The following JAK1 variants were observed in gnomAD, a reference collection of about 807,000 sequenced individuals.
JAK1 encodes the protein Janus kinase 1.
A neutral mutation model predicts 136.6 loss-of-function variants in JAK1; 16 were observed. The observed-to-expected ratio is 0.12, with a 90% confidence interval of 0.08 to 0.18. The LOEUF (loss-of-function observed/expected upper bound fraction) is 0.18, where lower values mean the gene tolerates loss of function less well. Among genes scored for constraint, JAK1 ranks in the 10% least tolerant of loss-of-function variants. The probability of loss-of-function intolerance (pLI) is 1.00; values close to 1 mark genes in which losing one functional copy is unlikely to be tolerated. For missense variants in JAK1, 859 were observed against 1,450.1 expected (o/e 0.59, Z 6.62); for synonymous variants, 492 against 519.5 (o/e 0.95, Z 0.72).
chr1:64,886,456 G>A, intron 1 of JAK1, 115 bp from the exon 2 acceptor site: 1 of 528,408 alleles, frequency 1.9e-6, no homozygotes, highest in Non-Finnish European at 3.1e-6. Context: ...AAAAGCATTT[G>A]AGAGGAAGAA....
chr1:64,978,687 C>A (rs567518907), intron 2 of JAK1, among the ~76,000 whole-genome samples: 36 of 152,236 alleles, frequency 2.4e-4, no homozygotes, highest in African/African-American at 8.2e-4. Context: ...GGCTGACTTA[C>A]TAGCCGTAAT....
chr1:65,029,699 A>C (rs190443258), intron 2 of JAK1, among the ~76,000 whole-genome samples: 3 of 152,290 alleles, frequency 2.0e-5, no homozygotes, highest in Admixed American at 1.3e-4. Context: ...TTAACAAACT[A>C]ATGAAGGAAC....
intron 2 of JAK1, among the ~76,000 whole-genome samples, chr1:64,883,760 G>A (rs1439466557): frequency 6.6e-6 from 1 of 151,850 alleles, no homozygotes; most frequent in Non-Finnish European, 1.5e-5. Context: ...AATAATTTTA[G>A]ACATGGCCTG....
At position 64,844,036 on chromosome 1, in the gene JAK1, C is replaced by T. The variant is rs1259222986; in HGVS notation, c.2403+28G>A. ...ACGAGCACCTGAAAGCCCTCACTTG[C>T]CTCACGCCCCGGGAAACACCTGCTC... On this transcript the variant is annotated intron_variant, in intron 17 of 24. Transcript: ENST00000342505. This position sits in a 1 kb window ranked among gnomAD's most constrained non-coding sequence, Gnocchi z 5.7. 5 of 1,612,266 alleles carry T rather than the reference C, an allele frequency of 3.1e-6. No homozygotes were observed. The South Asian group carries it at 4.4e-5, about 14-fold the overall frequency.
intron 1 of JAK1, among the ~76,000 whole-genome samples, chr1:64,893,286 C>A (rs1056111932): frequency 1.3e-5 from 2 of 152,108 alleles, no homozygotes; most frequent in Non-Finnish European, 2.9e-5. Context: ...AGAGCTTGTG[C>A]GAGAGCTTCT....
At chr1:64,882,760 G>A (rs1216008202) in intron 3 of JAK1, among the ~76,000 whole-genome samples, 3 of 152,140 alleles carry the variant, frequency 2.0e-5, no homozygotes, top group East Asian at 1.9e-4. Flanking sequence ...ACTTGACTAA[G>A]CCACAAAGCA....
At chr1:64,861,115 A>G (rs1361620221) in intron 8 of JAK1, among the ~76,000 whole-genome samples, 6 of 152,036 alleles carry the variant, frequency 3.9e-5, no homozygotes, top group Admixed American at 2.6e-4. Flanking sequence ...GGAAGGGGCA[A>G]AGCATGCACC....
intron 1 of JAK1, among the ~76,000 whole-genome samples, chr1:65,058,660 T>C (rs1330198674): frequency 6.6e-6 from 1 of 152,120 alleles, no homozygotes; most frequent in African/African-American, 2.4e-5. Context: ...GCCCAGCAAG[T>C]GGTGAGGCTG....
chr1:65,055,956 C>T (rs143090343), intron 1 of JAK1, among the ~76,000 whole-genome samples: 17 of 152,266 alleles, frequency 1.1e-4, no homozygotes, highest in African/African-American at 3.6e-4. Flanking sequence ...AAACTAGTAA[C>T]GGGGAAAACA....
chr1:64,840,891 C>T (rs1654852790), intron 19 of JAK1, among the ~76,000 whole-genome samples: 1 of 152,048 alleles, frequency 6.6e-6, no homozygotes, highest in Admixed American at 6.5e-5. Context: ...AAGTCAGAGG[C>T]AAGGATTTTC....
Position 64,922,192 on chromosome 1 carries a change from C to T in JAK1, c.-77-35851G>A, listed in dbSNP as rs1165482124. The stretch of plus-strand genomic sequence containing the variant: ...ACAACACTACTAAATGCCCCCCACC[C>T]CCCAGTTAGTTACTTGAGAACAACT... On this transcript the variant is annotated intron_variant, in intron 1 of 24. Coordinates refer to ENST00000342505, the MANE Select transcript of JAK1 (RefSeq NM_002227.4). Among the ~76,000 whole-genome samples, 10 of 151,848 alleles carry T rather than the reference C, an allele frequency of 6.6e-5. 1 individual carries two copies. The highest frequency in any genetic ancestry group is 5.9e-4 in the Admixed American group (9 of 15,228).
At chr1:64,889,355 C>T (rs144056042) in intron 1 of JAK1, among the ~76,000 whole-genome samples, 4 of 152,160 alleles carry the variant, frequency 2.6e-5, no homozygotes, top group South Asian at 2.1e-4. Flanking sequence ...CAGGAAGGAC[C>T]AGGAAGAGTA....
intron 1 of JAK1, 127 bp from the exon 2 acceptor site, chr1:64,886,468 GA>G (rs1009264855): frequency 3.9e-6 from 2 of 516,192 alleles, no homozygotes; most frequent in East Asian, 6.8e-5. Flanking sequence ...GAGGAAGAAG[GA>G]AAAAAACAAA....
At chr1:64,988,014 A>G (rs1053017708) in intron 2 of JAK1, among the ~76,000 whole-genome samples, 1 of 152,208 alleles carries the variant, frequency 6.6e-6, no homozygotes, top group Non-Finnish European at 1.5e-5. Flanking sequence ...CTTATTGTGT[A>G]CCTCATACTT....
intron 1 of JAK1, among the ~76,000 whole-genome samples, chr1:64,955,486 A>G (rs61786112): frequency 0.063 from 9,614 of 152,344 alleles, 447 homozygotes; most frequent in South Asian, 0.1. Flanking sequence ...AAACATTGAA[A>G]GCAAAATAAT....
chr1:65,046,638 G>A (rs1647185567), intron 1 of JAK1, among the ~76,000 whole-genome samples: 2 of 152,150 alleles, frequency 1.3e-5, no homozygotes, highest in South Asian at 2.1e-4. Flanking sequence ...CCAGAATCTG[G>A]CACTGGGGAT....
chr1:64,983,423 C>T (rs1175019110), intron 2 of JAK1, among the ~76,000 whole-genome samples: 1 of 152,172 alleles, frequency 6.6e-6, no homozygotes, highest in Non-Finnish European at 1.5e-5. Flanking sequence ...AATCTTCTCC[C>T]AGAGCTGAGG....
At chr1:64,923,977 T>A (rs1381813405) in intron 1 of JAK1, among the ~76,000 whole-genome samples, 2 of 152,214 alleles carry the variant, frequency 1.3e-5, no homozygotes, top group African/African-American at 2.4e-5. Context: ...TAAAGATATC[T>A]GTAAGAATAT....
intron 2 of JAK1, chr1:65,003,626 G>C (rs1646780451): frequency 6.6e-6 from 1 of 152,182 alleles, no homozygotes; most frequent in Non-Finnish European, 1.5e-5. Context: ...TAGAGGTTAA[G>C]TGATTTGCCC....
Sources: allele counts gnomAD v4.1 joint callset (sites outside exome capture counted in the v4.1 genomes callset), GRCh38; gene constraint gnomAD v4.1.1; non-coding constraint Gnocchi (gnomAD v3.1); transcripts MANE v1.5; gene names NCBI Gene and HGNC (gene_info 2026-07-23, HGNC 2026-07-21).